EPB41L4A: variants seen among roughly 807,000 people sequenced by gnomAD.
EPB41L4A encodes the protein band 4.1-like protein 4A.
EPB41L4A carries 100 observed loss-of-function variants against 108.6 expected under a neutral mutation model. The ratio of observed to expected loss-of-function variants is 0.92; its 90% CI spans 0.78 to 1.09. The LOEUF is 1.09. Ranked by LOEUF, EPB41L4A falls within the 50% of genes least tolerant of loss-of-function variation. The pLI, the probability that EPB41L4A is intolerant of heterozygous loss-of-function variation, is 0.00. For missense variants in EPB41L4A, 1,030 were observed against 842.7 expected (o/e 1.22, Z -2.75); for synonymous variants, 319 against 289.0 (o/e 1.10, Z -1.05).
intron 1 of EPB41L4A, among the ~76,000 whole-genome samples, chr5:112,343,875 T>A (rs776895024): frequency 1.3e-5 from 2 of 152,198 alleles, no homozygotes; most frequent in Non-Finnish European, 2.9e-5. Flanking sequence ...ATCACACTTA[T>A]GAAACAACAT....
intron 6 of EPB41L4A, chr5:112,264,154 T>C (rs1751684209): frequency 6.6e-6 from 1 of 152,172 alleles, no homozygotes; most frequent in Admixed American, 6.5e-5. Flanking sequence ...AAACCAAGTA[T>C]ATTCAAGAGG....
At chr5:112,215,360 T>G (rs1747545297) in intron 12 of EPB41L4A, among the ~76,000 whole-genome samples, 1 of 152,246 alleles carries the variant, frequency 6.6e-6, no homozygotes, top group African/African-American at 2.4e-5. Context: ...TATTAAGGCT[T>G]TGAAGTAAAT....
At chr5:112,350,110 G>T (rs1014995118) in intron 1 of EPB41L4A, among the ~76,000 whole-genome samples, 9 of 150,512 alleles carry the variant, frequency 6.0e-5, no homozygotes, top group Non-Finnish European at 8.9e-5. Context: ...CTTGAAAAGT[G>T]TCAGGTATGA....
intron 2 of EPB41L4A, among the ~76,000 whole-genome samples, chr5:112,302,614 GA>G (rs1754437336): frequency 6.6e-6 from 1 of 152,152 alleles, no homozygotes; most frequent in African/African-American, 2.4e-5. Context: ...CTGAAGTATA[GA>G]AAAGTTAGGG....
intron 2 of EPB41L4A, among the ~76,000 whole-genome samples, chr5:112,299,562 C>A (rs996508603): frequency 6.6e-6 from 1 of 152,176 alleles, no homozygotes; most frequent in Non-Finnish European, 1.5e-5. Context: ...CGCCTGTAAT[C>A]CCAGCACCAA....
At chr5:112,201,391 C>A (rs1762211960) in intron 15 of EPB41L4A, among the ~76,000 whole-genome samples, 1 of 152,162 alleles carries the variant, frequency 6.6e-6, no homozygotes. Flanking sequence ...GGAAAATGAA[C>A]CTCAGTGTAG....
chr5:112,354,156 T>C (rs945073787), intron 1 of EPB41L4A, among the ~76,000 whole-genome samples: 26 of 152,310 alleles, frequency 1.7e-4, no homozygotes, highest in African/African-American at 4.6e-4. Context: ...ATTCTGAGCA[T>C]TGATGTGTAT....
At chr5:112,341,310 T>C (rs904579460) in intron 1 of EPB41L4A, among the ~76,000 whole-genome samples, 2 of 152,182 alleles carry the variant, frequency 1.3e-5, no homozygotes, top group Non-Finnish European at 2.9e-5. Flanking sequence ...GCCTTAACCT[T>C]CCTAAAACTG....
At chr5:112,210,343 C>A (rs1039072996) in intron 12 of EPB41L4A, among the ~76,000 whole-genome samples, 8 of 152,046 alleles carry the variant, frequency 5.3e-5, no homozygotes, top group Non-Finnish European at 8.8e-5. Flanking sequence ...GTTTTGATGA[C>A]TACTTGTGAA....
At chr5:112,366,629 C>A (rs1759137087) in intron 1 of EPB41L4A, among the ~76,000 whole-genome samples, 1 of 152,028 alleles carries the variant, frequency 6.6e-6, no homozygotes, top group African/African-American at 2.4e-5. Context: ...CCTAACCTCA[C>A]TTTTCCTCTT....
chr5:112,213,873 G>A (rs1435656794), intron 12 of EPB41L4A, among the ~76,000 whole-genome samples: 1 of 152,158 alleles, frequency 6.6e-6, no homozygotes, highest in East Asian at 1.9e-4. Flanking sequence ...TTAGTTTTAT[G>A]TCACTAAATA....
At chr5:112,315,360 C>T (rs909026524) in intron 1 of EPB41L4A, among the ~76,000 whole-genome samples, 7 of 152,176 alleles carry the variant, frequency 4.6e-5, no homozygotes, top group Non-Finnish European at 7.3e-5. Context: ...TATCACACAC[C>T]ACTTACTTTC....
At chr5:112,327,320 T>C (rs1454056409) in intron 1 of EPB41L4A, among the ~76,000 whole-genome samples, 1 of 152,202 alleles carries the variant, frequency 6.6e-6, no homozygotes, top group Non-Finnish European at 1.5e-5. Context: ...AATTAAATGA[T>C]TCTAAGAAAT....
intron 12 of EPB41L4A, among the ~76,000 whole-genome samples, chr5:112,225,511 T>C (rs1365546780): frequency 1.3e-5 from 2 of 152,222 alleles, no homozygotes; most frequent in Non-Finnish European, 2.9e-5. Context: ...CATGCATTCA[T>C]GACAGTAATC....
intron 17 of EPB41L4A, among the ~76,000 whole-genome samples, chr5:112,185,291 G>A (rs1017228193): frequency 1.3e-5 from 2 of 152,286 alleles, no homozygotes; most frequent in East Asian, 3.9e-4. Flanking sequence ...AGAACAGGCA[G>A]GCTTGGAGGC....
Position 112,304,608 on chromosome 5 carries a change from T to TA in EPB41L4A, c.204+2777dup, listed in dbSNP as rs139674961. Reference sequence around the variant, plus strand: ...CATCTTCAAAAATCTCAAAGGTATTTAAGAATCTACAGTTTATTTAATTTT... The same window carrying TA: ...CATCTTCAAAAATCTCAAAGGTATTTAAAGAATCTACAGTTTATTTAATTTT... On this transcript the variant is annotated intron_variant, in intron 2 of 22. Coordinates refer to ENST00000261486, the MANE Select transcript of EPB41L4A (RefSeq NM_022140.5). Among the ~76,000 whole-genome samples, 1,414 of 152,314 alleles carry TA rather than the reference T, an allele frequency of 9.3e-3. 25 individuals carry two copies. The highest frequency in any genetic ancestry group is 0.032 in the African/African-American group (1,350 of 41,558).
At chr5:112,178,142 T>C (rs1463943119) in intron 18 of EPB41L4A, among the ~76,000 whole-genome samples, 1 of 151,936 alleles carries the variant, frequency 6.6e-6, no homozygotes, top group Non-Finnish European at 1.5e-5. Context: ...TAAAAGGATA[T>C]ACCATGCAAA....
intron 12 of EPB41L4A, among the ~76,000 whole-genome samples, chr5:112,149,127 G>C (rs535860243): frequency 5.9e-5 from 9 of 152,092 alleles, no homozygotes; most frequent in Admixed American, 1.3e-4. Flanking sequence ...TATTTTAAAC[G>C]AACTACTGAA....
At chr5:112,414,485 G>T (rs1418519560) in intron 1 of EPB41L4A, among the ~76,000 whole-genome samples, 2 of 152,164 alleles carry the variant, frequency 1.3e-5, no homozygotes, top group African/African-American at 4.8e-5. Context: ...CTGGTGAGAG[G>T]AGGCAGGGAA....
Sources: gnomAD v4.1 joint callset for allele counts (sites outside exome capture counted in the v4.1 genomes callset) on GRCh38, gnomAD v4.1.1 for gene constraint, MANE v1.5 for transcripts, NCBI Gene and HGNC (gene_info 2026-07-23, HGNC 2026-07-21) for gene names.